The following PPFIBP1 variants were observed in gnomAD, a reference collection of about 807,000 sequenced individuals.
PPFIBP1 encodes liprin-beta-1.
PPFIBP1 carries 112 observed loss-of-function variants against 137.8 expected under a neutral mutation model. The observed-to-expected ratio is 0.81, with a 90% CI of 0.70 to 0.95. The LOEUF (loss-of-function observed/expected upper bound fraction) is 0.95. PPFIBP1 is among the 40% of genes least tolerant of loss of function. PPFIBP1 has a pLI of 0.00. For synonymous variants in PPFIBP1, 378 were observed against 417.3 expected (o/e 0.91, Z 1.15); for missense variants, 1,083 against 1,196.6 (o/e 0.91, Z 1.40).
rs764919850 is a variant in PPFIBP1, at chr12:27,682,536, A to T, written c.2158+38A>T. ...TATTCTAACAAAATGAAATAATTATATACATAGTTGCTTTTTCTTTTTAAT... is the reference window on the plus strand; with the variant it reads ...TATTCTAACAAAATGAAATAATTATTTACATAGTTGCTTTTTCTTTTTAAT... On this transcript the variant is annotated intron_variant, in intron 23 of 29. Coordinates refer to ENST00000228425, the MANE Select transcript of PPFIBP1 (RefSeq NM_003622.4). 3.7e-6 allele frequency: 6 copies of T among 1,602,982 alleles called. No individual in the cohort carries two copies. The South Asian group carries it at 5.5e-5, about 15-fold the overall frequency.
chr12:27,545,660 G>A lies in PPFIBP1; in HGVS notation c.-124+21295G>A, dbSNP rs138090675. 2.1e-3 allele frequency among the ~76,000 whole-genome samples: 326 copies of A among 152,314 alleles called. 1 individual carries two copies. Among genetic ancestry groups the A allele is most frequent in the Middle Eastern group, 0.01 (3 of 294 alleles). ...GTTCCTGAAGCATAGAAATCTCCAT[G>A]TGATCTCTTCAGTCCAGACATTTTT... On this transcript the variant is annotated intron_variant, in intron 1 of 29. Coordinates refer to ENST00000228425, the MANE Select transcript of PPFIBP1 (RefSeq NM_003622.4).
intron 4 of PPFIBP1, among the ~76,000 whole-genome samples, chr12:27,644,062 A>G (rs2058294902): frequency 6.6e-6 from 1 of 151,760 alleles, no homozygotes; most frequent in Non-Finnish European, 1.5e-5. Context: ...TCCTCCAACC[A>G]GAAGAAAGAT....
At chr12:27,612,138 A>G (rs368245308) in intron 2 of PPFIBP1, among the ~76,000 whole-genome samples, 3 of 152,226 alleles carry the variant, frequency 2.0e-5, no homozygotes, top group South Asian at 2.1e-4. Flanking sequence ...CTGACTTTCT[A>G]TCAGGTCATT....
chr12:27,642,651 A>G (rs1437672626), intron 4 of PPFIBP1, among the ~76,000 whole-genome samples: 1 of 152,182 alleles, frequency 6.6e-6, no homozygotes, highest in African/African-American at 2.4e-5. Flanking sequence ...GGCACCATGT[A>G]AAGAGGAGGT....
chr12:27,589,469 A>T (rs2052207340), intron 2 of PPFIBP1, among the ~76,000 whole-genome samples: 1 of 152,200 alleles, frequency 6.6e-6, no homozygotes, highest in African/African-American at 2.4e-5. Context: ...CACTATAATT[A>T]AGAGATACTG....
intron 2 of PPFIBP1, among the ~76,000 whole-genome samples, chr12:27,610,544 C>T (rs773792625): frequency 3.3e-5 from 5 of 152,166 alleles, no homozygotes; most frequent in Admixed American, 1.3e-4. Context: ...CATGTTTGCT[C>T]TTGTGGAAAT....
At chr12:27,664,247 G>A (rs538872477) in intron 11 of PPFIBP1, 115 bp from the exon 12 acceptor site, 31 of 677,038 alleles carry the variant, frequency 4.6e-5, no homozygotes, top group African/African-American at 2.7e-4. Context: ...ATGCTCTCTC[G>A]GCAGAATCAT....
intron 13 of PPFIBP1, 119 bp from the exon 14 acceptor site, chr12:27,671,312 G>T: frequency 1.7e-6 from 1 of 590,566 alleles, no homozygotes; most frequent in Non-Finnish European, 3.0e-6. Context: ...ATACAGTTCT[G>T]AACACTGATT....
chr12:27,694,474 A>G lies in PPFIBP1; in HGVS notation c.*1592A>G, dbSNP rs1416974530. 5.9e-5 allele frequency: 9 copies of G among 152,202 alleles called. No homozygotes were observed. The highest frequency in any genetic ancestry group is 3.8e-4 in the East Asian group (2 of 5,198). The allele number at this position is 152,202 out of a possible 1,614,324, so 9.4% of individuals were successfully genotyped here. A position where few individuals can be genotyped will look rare whatever the true frequency, so the allele number is the denominator to read the frequency against. On this transcript the variant is annotated 3_prime_UTR_variant, in exon 30 of 30. Transcript: ENST00000228425. The stretch of plus-strand genomic sequence containing the variant: ...CAAAATACTAGCAGTCTGCCTAAAC[A>G]TGTTCATTGTACATTTCTCAGGCTA...
chr12:27,542,785 T>C (rs1171138550), intron 1 of PPFIBP1, among the ~76,000 whole-genome samples: 1 of 152,320 alleles, frequency 6.6e-6, no homozygotes, highest in African/African-American at 2.4e-5. Context: ...GAGAATTGCG[T>C]GATGACTCCT....
chr12:27,565,645 T>C (rs1257017634), intron 1 of PPFIBP1, among the ~76,000 whole-genome samples: 2 of 152,214 alleles, frequency 1.3e-5, no homozygotes, highest in African/African-American at 2.4e-5. Context: ...CCTCCTTCTG[T>C]GCTACTCCCC....
intron 19 of PPFIBP1, among the ~76,000 whole-genome samples, chr12:27,678,905 C>G (rs1207440226): frequency 6.9e-6 from 1 of 143,892 alleles, no homozygotes. Flanking sequence ...AAAAGACTCT[C>G]GGGGAAATTG....
intron 2 of PPFIBP1, among the ~76,000 whole-genome samples, chr12:27,631,131 A>G (rs139972144): frequency 1.3e-5 from 2 of 152,172 alleles, no homozygotes; most frequent in Non-Finnish European, 2.9e-5. Context: ...GTTATAAAAC[A>G]TTATCACATT....
intron 10 of PPFIBP1, among the ~76,000 whole-genome samples, chr12:27,659,723 A>G (rs564680948): frequency 6.6e-6 from 1 of 152,136 alleles, no homozygotes; most frequent in South Asian, 2.1e-4. Flanking sequence ...CTCAATTCCT[A>G]TAGAATATAT....
chr12:27,615,454 G>A (rs2055639172), intron 2 of PPFIBP1, among the ~76,000 whole-genome samples: 1 of 152,192 alleles, frequency 6.6e-6, no homozygotes, highest in South Asian at 2.1e-4. Context: ...GGACTAAGTG[G>A]ATGTGCCTGT....
At chr12:27,624,077 A>G (rs1373215852) in intron 2 of PPFIBP1, among the ~76,000 whole-genome samples, 1 of 152,086 alleles carries the variant, frequency 6.6e-6, no homozygotes, top group Non-Finnish European at 1.5e-5. Flanking sequence ...AGGACAAAGA[A>G]GAGGGTCCAA....
At chr12:27,559,704 G>A (rs1188790468) in intron 1 of PPFIBP1, among the ~76,000 whole-genome samples, 1 of 152,172 alleles carries the variant, frequency 6.6e-6, no homozygotes, top group African/African-American at 2.4e-5. Context: ...GATACCTGTG[G>A]TATTTGAAAA....
At chr12:27,679,786 G>T in intron 20 of PPFIBP1, 147 bp downstream of exon 20, 1 of 1,351,406 alleles carries the variant, frequency 7.4e-7, no homozygotes, top group Non-Finnish European at 1.0e-6. Flanking sequence ...TAACTCATTG[G>T]GTCTTAGTTA....
intron 15 of PPFIBP1, among the ~76,000 whole-genome samples, chr12:27,673,060 T>G (rs1389976697): frequency 1.3e-5 from 2 of 152,240 alleles, no homozygotes; most frequent in African/African-American, 4.8e-5. Flanking sequence ...TTTGAAAGTT[T>G]GTAAATGTGC....
Sources: allele counts gnomAD v4.1 joint callset (sites outside exome capture counted in the v4.1 genomes callset), GRCh38; gene constraint gnomAD v4.1.1; transcripts MANE v1.5; gene names NCBI Gene and HGNC (gene_info 2026-07-23, HGNC 2026-07-21).